Variants in LOC400499 observed in about 807,000 individuals in gnomAD.
the LOC400499 span, among the ~76,000 whole-genome samples, chr16:11,381,473 G>C: frequency 6.6e-6 from 1 of 152,100 alleles, no homozygotes; most frequent in Non-Finnish European, 1.5e-5. Flanking sequence ...TCTGATAGAT[G>C]GTTTGTAAAC....
chr16:11,387,202 C>G, the LOC400499 span: 12 of 1,232,206 alleles, frequency 9.7e-6, no homozygotes, highest in Admixed American at 4.2e-5. Flanking sequence ...GCCGCAGCAG[C>G]TTCTCCTCCA....
the LOC400499 span, among the ~76,000 whole-genome samples, chr16:11,434,230 A>G: frequency 2.6e-5 from 4 of 152,206 alleles, no homozygotes; most frequent in Non-Finnish European, 1.5e-5. Flanking sequence ...ATAATACTCT[A>G]TAAGTAATAA....
chr16:11,485,306 C>T, the LOC400499 span, among the ~76,000 whole-genome samples: 3,950 of 152,186 alleles, frequency 0.026, 201 homozygotes, highest in African/African-American at 0.092. Flanking sequence ...TTCTTTAAGG[C>T]TTGGTTCAAA....
At chr16:11,456,367 A>G in the LOC400499 span, among the ~76,000 whole-genome samples, 38 of 151,482 alleles carry the variant, frequency 2.5e-4, no homozygotes, top group African/African-American at 8.7e-4. Context: ...ATTTTTTAAA[A>G]GTGACAGACA....
At chr16:11,524,368 A>ATGCAT in the LOC400499 span, among the ~76,000 whole-genome samples, 6 of 56,190 alleles carry the variant, frequency 1.1e-4, no homozygotes, top group African/African-American at 4.8e-4. Context: ...CCAGCCACCC[A>ATGCAT]CCCTCTCCTG....
At chr16:11,404,702 A>C in the LOC400499 span, 1 of 398,886 alleles carries the variant, frequency 2.5e-6, no homozygotes, top group Non-Finnish European at 4.4e-6. Flanking sequence ...TCACACACTC[A>C]CCCTGCAGGC....
chr16:11,391,768 C>T, the LOC400499 span: 3 of 1,232,244 alleles, frequency 2.4e-6, no homozygotes, highest in South Asian at 4.1e-5. Context: ...AAAGTGGCTA[C>T]TGCCCAACCA....
At chr16:11,497,167 C>T in the LOC400499 span, among the ~76,000 whole-genome samples, 8 of 152,082 alleles carry the variant, frequency 5.3e-5, no homozygotes, top group African/African-American at 1.4e-4. Flanking sequence ...TGCGTGTGCA[C>T]GTCCCAGTGC....
At chr16:11,519,761 A>G in the LOC400499 span, among the ~76,000 whole-genome samples, 1 of 150,422 alleles carries the variant, frequency 6.6e-6, no homozygotes, top group East Asian at 2.0e-4. Flanking sequence ...GCTGGAGTGC[A>G]ATGGCGCGAT....
At chr16:11,427,577 G>A in the LOC400499 span, among the ~76,000 whole-genome samples, 7 of 151,660 alleles carry the variant, frequency 4.6e-5, no homozygotes, top group East Asian at 1.4e-3. Flanking sequence ...CCATGTAGCT[G>A]GGACTGTAGG....
chr16:11,393,858 G>A, the LOC400499 span, among the ~76,000 whole-genome samples: 1 of 152,170 alleles, frequency 6.6e-6, no homozygotes, highest in African/African-American at 2.4e-5. Flanking sequence ...CGGGTGGATC[G>A]CTTGAGCCCA....
chr16:11,407,327 G>A, the LOC400499 span: 1 of 395,122 alleles, frequency 2.5e-6, no homozygotes. Context: ...CTCACCCTTG[G>A]AGTAGTGTAG....
the LOC400499 span, among the ~76,000 whole-genome samples, chr16:11,468,290 C>A: frequency 6.6e-6 from 1 of 152,186 alleles, no homozygotes; most frequent in Admixed American, 6.5e-5. Context: ...TGGGACATGG[C>A]ATGCTTTAAC....
chr16:11,462,012 A>T, the LOC400499 span: 1 of 1,032,340 alleles, frequency 9.7e-7, no homozygotes, highest in Non-Finnish European at 1.3e-6. Flanking sequence ...TGGGATGTTG[A>T]TATTAAGAGA....
At chr16:11,397,797 G>GGATGGATGGATGCAT in the LOC400499 span, among the ~76,000 whole-genome samples, 28 of 142,370 alleles carry the variant, frequency 2.0e-4, no homozygotes, top group Middle Eastern at 0.011. Context: ...GAGGGAGGGA[G>GGATGGATGGATGCAT]GGATGGACGG....
chr16:11,378,388 C>A, the LOC400499 span, among the ~76,000 whole-genome samples: 2 of 152,074 alleles, frequency 1.3e-5, no homozygotes, highest in Non-Finnish European at 2.9e-5. Context: ...CTCAGCCTCC[C>A]AAGTAACTGG....
At chr16:11,494,485 C>T in the LOC400499 span, 1,463 of 339,066 alleles carry the variant, frequency 4.3e-3, 60 homozygotes, top group African/African-American at 0.029. Context: ...GGGGAACCCA[C>T]CCCCACCCTC....
chr16:11,467,815 C>T, the LOC400499 span, among the ~76,000 whole-genome samples: 3 of 152,098 alleles, frequency 2.0e-5, no homozygotes, highest in African/African-American at 4.8e-5. Context: ...TGAAAGATGC[C>T]GAAACCCTAA....
chr16:11,498,749 G>T, the LOC400499 span, among the ~76,000 whole-genome samples: 1 of 151,710 alleles, frequency 6.6e-6, no homozygotes, highest in East Asian at 2.0e-4. Context: ...GCAGGTAGAG[G>T]AAGCTTCTGG....
Sources: allele counts gnomAD v4.1 joint callset (sites outside exome capture counted in the v4.1 genomes callset), GRCh38; gene constraint gnomAD v4.1.1; transcripts MANE v1.5.